The following TNNI3K variants were observed in gnomAD, a reference collection of about 807,000 sequenced individuals.
TNNI3K encodes TNNI3 interacting kinase.
TNNI3K carries 140 observed loss-of-function variants against 114.5 expected under a neutral mutation model. The ratio of observed to expected loss-of-function variants is 1.22; its 90% confidence interval spans 1.07 to 1.41. The LOEUF is 1.41. Among genes scored for constraint, TNNI3K ranks in the 40% most tolerant of loss-of-function variants. The pLI, the probability that TNNI3K is intolerant of heterozygous loss-of-function variation, is 0.00. For synonymous variants in TNNI3K, 347 were observed against 347.5 expected (o/e 1.00, Z 0.02); for missense variants, 1,125 against 1,007.6 (o/e 1.12, Z -1.58).
intron 9 of TNNI3K, 25 bp from the exon 10 acceptor site, chr1:74,353,240 TC>T: frequency 6.2e-7 from 1 of 1,603,202 alleles, no homozygotes; most frequent in Non-Finnish European, 8.5e-7. Flanking sequence ...CTTCTATCTT[TC>T]TTGTTTTATG....
chr1:74,327,799 C>T (rs1659992058), intron 5 of TNNI3K, among the ~76,000 whole-genome samples: 1 of 148,590 alleles, frequency 6.7e-6, no homozygotes, highest in African/African-American at 2.5e-5. Context: ...CAATTTATAT[C>T]CTTAAAGTGT....
chr1:74,528,505 G>T (rs1453245779), intron 23 of TNNI3K, among the ~76,000 whole-genome samples: 1 of 152,116 alleles, frequency 6.6e-6, no homozygotes, highest in East Asian at 1.9e-4. Context: ...AGTGGGGAAA[G>T]GGTACAACAG....
chr1:74,498,765 CT>C (rs1313022683), intron 23 of TNNI3K, among the ~76,000 whole-genome samples: 2 of 152,072 alleles, frequency 1.3e-5, no homozygotes, highest in African/African-American at 4.8e-5. Context: ...CAATATATTT[CT>C]TTTTTAATTA....
At chr1:74,267,033 C>G (rs1656037507) in intron 4 of TNNI3K, among the ~76,000 whole-genome samples, 3 of 151,896 alleles carry the variant, frequency 2.0e-5, no homozygotes, top group African/African-American at 7.2e-5. Flanking sequence ...TAGGGTGCCT[C>G]TGTGTGTCAC....
intron 22 of TNNI3K, among the ~76,000 whole-genome samples, chr1:74,490,592 A>T (rs1192634698): frequency 1.3e-5 from 2 of 152,228 alleles, no homozygotes; most frequent in Non-Finnish European, 2.9e-5. Context: ...CTATATGCTG[A>T]CAGAGTTTGC....
chr1:74,481,683 C>T (rs1363262451), intron 21 of TNNI3K, among the ~76,000 whole-genome samples: 1 of 152,160 alleles, frequency 6.6e-6, no homozygotes, highest in Admixed American at 6.5e-5. Context: ...CTGTTAAATC[C>T]CTTCACCATA....
rs746504846 is a variant in TNNI3K, at chr1:74,354,005, T to G, written c.1053T>G (p.Gly351=). The change falls in exon 11 of 25, where the codon GGT becomes GGG. Residue 351 remains glycine (G), a synonymous_variant. Coordinates refer to ENST00000326637, the MANE Select transcript of TNNI3K (RefSeq NM_015978.3). Reference sequence around the variant, plus strand: ...GATTACACTCTGCTTGCTACCACGGTCACATTCGCCTGGTTCAGTTCTTAC... The same window carrying G: ...GATTACACTCTGCTTGCTACCACGGGCACATTCGCCTGGTTCAGTTCTTAC... The part of the protein sequence containing the change: ...HTGLHSACYH[G]HIRLVQFLLD... The G allele has an allele frequency of 6.2e-7, 1 of 1,613,990 alleles. No homozygotes were observed. The highest frequency in any genetic ancestry group is 2.2e-5 in the East Asian group (1 of 44,846).
At chr1:74,370,257 C>T (rs1418195716) in intron 16 of TNNI3K, 31 bp from the exon 17 acceptor site, 1 of 1,538,238 alleles carries the variant, frequency 6.5e-7, no homozygotes, top group Admixed American at 1.9e-5. Flanking sequence ...TTGACCATTT[C>T]ATCTCTGTTA....
At chr1:74,426,099 C>A (rs1398871916) in intron 17 of TNNI3K, among the ~76,000 whole-genome samples, 1 of 152,084 alleles carries the variant, frequency 6.6e-6, no homozygotes, top group African/African-American at 2.4e-5. Context: ...TGCCCTTTTG[C>A]AGAGACATGG....
chr1:74,518,986 T>C (rs1251747937), intron 23 of TNNI3K, among the ~76,000 whole-genome samples: 2 of 116,468 alleles, frequency 1.7e-5, no homozygotes, highest in Non-Finnish European at 3.3e-5. Context: ...CACCCACTAA[T>C]GTGTCATCTA....
At chr1:74,295,587 T>A (rs1471607347) in intron 5 of TNNI3K, among the ~76,000 whole-genome samples, 1 of 152,178 alleles carries the variant, frequency 6.6e-6, no homozygotes, top group East Asian at 1.9e-4. Context: ...TGGCTCCTTT[T>A]AAATTATAAA....
At position 74,277,222 on chromosome 1, in the gene TNNI3K, G is replaced by A. The variant is rs560446145; in HGVS notation, c.444+5514G>A. 2.0e-5 allele frequency among the ~76,000 whole-genome samples: 3 copies of A among 152,198 alleles called. No individual in the cohort carries two copies. In the South Asian group the frequency reaches 6.2e-4, roughly 32 times the overall value. ...CTGTCAGACTCAGTTTATTAGTGAG[G>A]AAACTGAGGACTGGAGAAGCTGAAT... is the stretch of plus-strand genomic sequence containing the variant. On this transcript the variant is annotated intron_variant, in intron 5 of 24. Transcript: ENST00000326637.
At chr1:74,455,508 A>G (rs1007243005) in intron 20 of TNNI3K, among the ~76,000 whole-genome samples, 1 of 152,226 alleles carries the variant, frequency 6.6e-6, no homozygotes, top group African/African-American at 2.4e-5. Flanking sequence ...ATATCTATTT[A>G]TATGTGTAAG....
At chr1:74,328,932 G>C (rs1660056352) in intron 5 of TNNI3K, among the ~76,000 whole-genome samples, 1 of 152,026 alleles carries the variant, frequency 6.6e-6, no homozygotes, top group Non-Finnish European at 1.5e-5. Flanking sequence ...TGATTGCTAG[G>C]GGCCTCCTTC....
intron 17 of TNNI3K, among the ~76,000 whole-genome samples, chr1:74,409,881 A>T (rs969213908): frequency 1.3e-5 from 2 of 151,984 alleles, no homozygotes; most frequent in South Asian, 2.1e-4. Flanking sequence ...TCTTTTATTG[A>T]CAATTGGATA....
chr1:74,265,413 G>A (rs1203735145), intron 4 of TNNI3K, among the ~76,000 whole-genome samples: 1 of 151,848 alleles, frequency 6.6e-6, no homozygotes, highest in African/African-American at 2.4e-5. Context: ...ACCTTACTCA[G>A]TCATTGACTG....
rs1653850183 is a variant in TNNI3K at position 74,236,228 on chromosome 1, A to C, written c.149+18A>C. The C allele has an allele frequency of 2.5e-6, 4 of 1,590,340 alleles. No homozygotes were observed. Among genetic ancestry groups the C allele is most frequent in the Non-Finnish European group, 3.4e-6 (4 of 1,165,366 alleles). On this transcript the variant is annotated intron_variant, in intron 2 of 24. Transcript: ENST00000326637. ...ATATTTGGGTAAAGTTGTAAGAGTC[A>C]TTATTTCTTTGTATAAGTGTCTTCA...
At chr1:74,246,859 C>T (rs975978178) in intron 2 of TNNI3K, among the ~76,000 whole-genome samples, 10 of 152,154 alleles carry the variant, frequency 6.6e-5, no homozygotes, top group African/African-American at 2.2e-4. Context: ...ATCATTTCAT[C>T]AGTGTGGTAA....
At chr1:74,424,491 G>T (rs1314055391) in intron 17 of TNNI3K, among the ~76,000 whole-genome samples, 1 of 151,990 alleles carries the variant, frequency 6.6e-6, no homozygotes, top group Non-Finnish European at 1.5e-5. Context: ...GGCCAAGGTG[G>T]GTGGACCACT....
Sources: gnomAD v4.1 joint callset for allele counts (sites outside exome capture counted in the v4.1 genomes callset) on GRCh38, gnomAD v4.1.1 for gene constraint, MANE v1.5 for transcripts, NCBI Gene and HGNC (gene_info 2026-07-23, HGNC 2026-07-21) for gene names.